Variants in EPB41L2 observed in about 807,000 individuals in gnomAD.
EPB41L2 encodes the protein band 4.1-like protein 2.
A neutral mutation model predicts 113.0 loss-of-function variants in EPB41L2; 43 were observed. The observed-to-expected ratio is 0.38, with a 90% CI of 0.30 to 0.49. The LOEUF is 0.49. EPB41L2 is among the 20% of genes least tolerant of loss of function. EPB41L2 has a pLI of 0.95. For synonymous variants in EPB41L2, 442 were observed against 436.7 expected (o/e 1.01, Z -0.15); for missense variants, 1,147 against 1,223.4 (o/e 0.94, Z 0.93).
chr6:131,054,087 C>T (rs535895183), intron 1 of EPB41L2, among the ~76,000 whole-genome samples: 9 of 152,324 alleles, frequency 5.9e-5, no homozygotes, highest in Admixed American at 2.0e-4. Context: ...ATTCCATCTT[C>T]GCATTCAGAT....
chr6:130,889,269 A>G (rs1241390713), intron 11 of EPB41L2, among the ~76,000 whole-genome samples: 1 of 152,000 alleles, frequency 6.6e-6, no homozygotes, highest in Non-Finnish European at 1.5e-5. Flanking sequence ...ACAAAGAAAG[A>G]ATATTCCTTC....
chr6:130,936,276 T>C (rs1431523042), intron 3 of EPB41L2, among the ~76,000 whole-genome samples: 1 of 152,240 alleles, frequency 6.6e-6, no homozygotes, highest in Non-Finnish European at 1.5e-5. Context: ...CAAATATTTC[T>C]ACTCTTAGAG....
At chr6:130,955,582 T>C (rs1293531690) in intron 2 of EPB41L2, among the ~76,000 whole-genome samples, 1 of 152,184 alleles carries the variant, frequency 6.6e-6, no homozygotes, top group East Asian at 1.9e-4. Flanking sequence ...TTAAGTATCA[T>C]CTCAAATAAT....
Position 130,955,191 on chromosome 6 carries a change from C to A in EPB41L2, c.619G>T (p.Ala207Ser). ...GTCTTCTTGGTGACTTTTTGAGATG[C>A]CTTCTCTGCTTTCAGCTCATTGGTC... ...VQTNELKAEK[A>S]SQKVTKKTKT... Residue 207 changes from alanine (A) to serine (S), a missense_variant, in exon 3 of 20, where the codon GCA (alanine) becomes TCA (serine). Coordinates refer to ENST00000337057, the MANE Select transcript of EPB41L2 (RefSeq NM_001431.4). The A allele has an allele frequency of 6.2e-7, 1 of 1,614,126 alleles. No homozygotes were observed.
intron 1 of EPB41L2, among the ~76,000 whole-genome samples, chr6:130,979,593 CAATAAATATTTAATGGATAAAATGAA>C (rs1778926982): frequency 6.6e-6 from 1 of 150,966 alleles, no homozygotes; most frequent in Non-Finnish European, 1.5e-5. Context: ...GAGATGGTAT[CAATAAATATTTAATGGATAAAATGAA>C]TGGGACTTGA....
At chr6:131,061,835 G>A (rs1229930888) in intron 1 of EPB41L2, among the ~76,000 whole-genome samples, 1 of 151,978 alleles carries the variant, frequency 6.6e-6, no homozygotes, top group East Asian at 1.9e-4. Flanking sequence ...GGTGGGGGAG[G>A]AAATAAAGAC....
At chr6:130,974,036 TTCTCTTAC>T (rs986701019) in intron 1 of EPB41L2, among the ~76,000 whole-genome samples, 5 of 152,196 alleles carry the variant, frequency 3.3e-5, no homozygotes, top group Admixed American at 2.0e-4. Flanking sequence ...TCCTGCTCTC[TTCTCTTAC>T]TCTCTTACTC....
At position 130,869,804 on chromosome 6, in the gene EPB41L2, T is replaced by G. The variant is rs1785047242; in HGVS notation, c.2366A>C (p.Glu789Ala). ...EEPRPAAKVV[E>A]REEAVPEASP... ...GGCTTCGGGCACTGCTTCCTCCCTCTCTACTACCTTGGCTGCCGGGCGGGG... is the reference window on the plus strand; with the variant it reads ...GGCTTCGGGCACTGCTTCCTCCCTCGCTACTACCTTGGCTGCCGGGCGGGG... Residue 789 changes from glutamate (E) to alanine (A), a missense_variant, in exon 15 of 20, where the codon GAG (glutamate) becomes GCG (alanine). Coordinates refer to ENST00000337057, the MANE Select transcript of EPB41L2 (RefSeq NM_001431.4). 4.3e-6 allele frequency: 7 copies of G among 1,613,868 alleles called. No individual in the cohort carries two copies. Among genetic ancestry groups the G allele is most frequent in the Non-Finnish European group, 5.9e-6 (7 of 1,180,022 alleles).
chr6:131,005,099 T>C (rs909877184), intron 1 of EPB41L2, among the ~76,000 whole-genome samples: 1 of 151,790 alleles, frequency 6.6e-6, no homozygotes, highest in Non-Finnish European at 1.5e-5. Context: ...TTTAAAGTAG[T>C]CAAGACAACA....
intron 1 of EPB41L2, among the ~76,000 whole-genome samples, chr6:130,995,995 T>C (rs1325296377): frequency 6.6e-6 from 1 of 152,216 alleles, no homozygotes; most frequent in Non-Finnish European, 1.5e-5. Context: ...ATTATCTGTA[T>C]ATCATAAGTA....
chr6:131,045,370 A>ATATG (rs1562792621), intron 1 of EPB41L2, among the ~76,000 whole-genome samples: 323 of 151,692 alleles, frequency 2.1e-3, no homozygotes, highest in Non-Finnish European at 3.5e-3. Context: ...TATTCATTTA[A>ATATG]AAATGATGAG....
intron 6 of EPB41L2, among the ~76,000 whole-genome samples, chr6:130,903,342 T>C (rs553158033): frequency 6.6e-6 from 1 of 150,656 alleles, no homozygotes; most frequent in African/African-American, 2.5e-5. Flanking sequence ...ATTTACTAGG[T>C]GAAGCTAATT....
chr6:130,859,532 G>C (rs1279755997), intron 18 of EPB41L2, among the ~76,000 whole-genome samples: 6 of 149,772 alleles, frequency 4.0e-5, no homozygotes, highest in African/African-American at 1.5e-4. Context: ...AAAAAGTCTA[G>C]GAAAGAATGC....
intron 1 of EPB41L2, among the ~76,000 whole-genome samples, chr6:130,992,275 C>T (rs886411457): frequency 7.2e-5 from 11 of 152,054 alleles, no homozygotes; most frequent in Non-Finnish European, 1.0e-4. Flanking sequence ...ATTTATGTAT[C>T]TACAGTTTTG....
intron 1 of EPB41L2, among the ~76,000 whole-genome samples, chr6:130,975,828 A>C (rs1379062492): frequency 6.6e-6 from 1 of 152,194 alleles, no homozygotes; most frequent in African/African-American, 2.4e-5. Flanking sequence ...GTTCAAGACC[A>C]TCCTGGCCAA....
intron 4 of EPB41L2, among the ~76,000 whole-genome samples, chr6:130,912,866 C>T (rs561743634): frequency 1.3e-5 from 2 of 152,034 alleles, no homozygotes; most frequent in South Asian, 4.2e-4. Flanking sequence ...GCAAGAAAAA[C>T]GAAATTGAAT....
chr6:130,882,721 G>C (rs1789708636), intron 12 of EPB41L2: 1 of 152,830 alleles, frequency 6.5e-6, no homozygotes, highest in Non-Finnish European at 1.5e-5. Flanking sequence ...AGGTGATTGG[G>C]ACATAGTGCT....
At chr6:130,872,452 A>C (rs1786056011) in intron 14 of EPB41L2, 1 of 1,289,278 alleles carries the variant, frequency 7.8e-7, no homozygotes, top group Non-Finnish European at 1.0e-6. Flanking sequence ...CTGCTGTCCA[A>C]GTGGTGGCTG....
intron 1 of EPB41L2, among the ~76,000 whole-genome samples, chr6:131,037,956 A>G (rs1793696998): frequency 6.6e-6 from 1 of 152,316 alleles, no homozygotes; most frequent in East Asian, 1.9e-4. Flanking sequence ...TACAGTAGAC[A>G]TTTCAGAAAA....
Sources: allele counts gnomAD v4.1 joint callset (sites outside exome capture counted in the v4.1 genomes callset), GRCh38; gene constraint gnomAD v4.1.1; transcripts MANE v1.5; gene names NCBI Gene and HGNC (gene_info 2026-07-23, HGNC 2026-07-21).